Variants in FRMPD2 observed in about 807,000 individuals in gnomAD.
FRMPD2 encodes FERM and PDZ domain containing 2.
A neutral mutation model predicts 140.1 loss-of-function variants in FRMPD2; 96 were observed. The ratio of observed to expected loss-of-function variants is 0.69; its 90% CI spans 0.58 to 0.81. FRMPD2 has a LOEUF of 0.81. Ranked by LOEUF, FRMPD2 falls within the 40% of genes least tolerant of loss-of-function variation. FRMPD2 has a pLI of 0.00. For missense variants in FRMPD2, 1,240 were observed against 1,447.4 expected (o/e 0.86, Z 2.32); for synonymous variants, 449 against 547.6 (o/e 0.82, Z 2.52).
chr10:48,257,261 AT>A (rs1191668377), intron 1 of FRMPD2, among the ~76,000 whole-genome samples: 1 of 130,466 alleles, frequency 7.7e-6, no homozygotes, highest in East Asian at 2.3e-4. Flanking sequence ...TTATTTTTTT[AT>A]TTTTTTATTT....
In FRMPD2 at chr10:48,184,560, A is replaced by T; in HGVS notation, c.2584+6T>A. On this transcript the variant is annotated splice_donor_region_variant and intron_variant, in intron 20 of 28. Transcript: ENST00000374201. ...CTTAAGCTCCCAAGAGTGGGTTAAA[A>T]CATACCTTTTGACTGAGAAATAATT... 6.4e-7 allele frequency: 1 copy of T among 1,572,372 alleles called. No individual in the cohort carries two copies. Among genetic ancestry groups the T allele is most frequent in the South Asian group, 1.1e-5 (1 of 90,148 alleles).
rs1440547167 is a variant in FRMPD2, at chr10:48,209,024, C to T, written c.1612-2091G>A. Among the ~76,000 whole-genome samples, 6 of 152,310 alleles carry T rather than the reference C, an allele frequency of 3.9e-5. No individual in the cohort carries two copies. The Middle Eastern group carries it at 0.01, about 259-fold the overall frequency. On this transcript the variant is annotated intron_variant, in intron 13 of 28. Coordinates refer to ENST00000374201, the MANE Select transcript of FRMPD2 (RefSeq NM_001018071.4). ...AATATGCTGAATAATCAGGACAACCCCTTCTCATAATGCTGTTCAGTACAG... is the reference window on the plus strand; with the variant it reads ...AATATGCTGAATAATCAGGACAACCTCTTCTCATAATGCTGTTCAGTACAG...
At chr10:48,184,511 G>A (rs915927240) in intron 20 of FRMPD2, 55 bp downstream of exon 20, 3 of 1,051,028 alleles carry the variant, frequency 2.9e-6, no homozygotes, top group Non-Finnish European at 4.5e-6. Context: ...CAGTAATCAT[G>A]TACTCCTGAA....
chr10:48,263,415 A>C (rs1413544076), intron 1 of FRMPD2, among the ~76,000 whole-genome samples: 2 of 152,058 alleles, frequency 1.3e-5, no homozygotes, highest in East Asian at 3.8e-4. Flanking sequence ...ATAAACCCAT[A>C]GCCAAGTAAC....
chr10:48,230,708 G>C (rs1839830521), intron 10 of FRMPD2, among the ~76,000 whole-genome samples: 1 of 152,180 alleles, frequency 6.6e-6, no homozygotes, highest in Non-Finnish European at 1.5e-5. Context: ...CCTGTTCATT[G>C]CTTTTGTGTG....
At position 48,236,984 on chromosome 10, in the gene FRMPD2, C is replaced by T. The variant is rs932726119; in HGVS notation, c.922-431G>A. Among the ~76,000 whole-genome samples, 3 of 152,236 alleles carry T rather than the reference C, an allele frequency of 2.0e-5. No individual in the cohort carries two copies. The South Asian group carries it at 6.2e-4, about 32-fold the overall frequency. On this transcript the variant is annotated intron_variant, in intron 8 of 28. Transcript: ENST00000374201. ...TGTTGAATCAATAGCTTAGTGGGCA[C>T]CTCTTGTTCTCAGTGTGTTTGTATT...
At chr10:48,255,269 A>G (rs959030844) in intron 1 of FRMPD2, among the ~76,000 whole-genome samples, 2 of 152,112 alleles carry the variant, frequency 1.3e-5, no homozygotes, top group African/African-American at 4.8e-5. Flanking sequence ...GCCCTTTCCA[A>G]TGAGTTTCCA....
At chr10:48,205,296 T>C (rs886827707) in intron 14 of FRMPD2, among the ~76,000 whole-genome samples, 1 of 152,252 alleles carries the variant, frequency 6.6e-6, no homozygotes, top group Non-Finnish European at 1.5e-5. Context: ...CAGAGCCTGA[T>C]GACTTCCCAG....
intron 15 of FRMPD2, among the ~76,000 whole-genome samples, chr10:48,199,487 G>T (rs756138339): frequency 6.6e-6 from 1 of 152,122 alleles, no homozygotes; most frequent in Non-Finnish European, 1.5e-5. Context: ...GTGCTTCCAG[G>T]GCTATTTAAT....
intron 28 of FRMPD2, 114 bp downstream of exon 28, chr10:48,163,214 G>T: frequency 3.4e-6 from 2 of 585,148 alleles, no homozygotes; most frequent in South Asian, 3.7e-5. Flanking sequence ...TAAATGCCTG[G>T]AACAGTGCTG....
intron 21 of FRMPD2, among the ~76,000 whole-genome samples, chr10:48,179,069 G>A (rs1392951370): frequency 1.4e-5 from 2 of 145,944 alleles, no homozygotes; most frequent in African/African-American, 2.6e-5. Context: ...AGCTACTATC[G>A]TTGTTCTTCC....
intron 10 of FRMPD2, among the ~76,000 whole-genome samples, chr10:48,228,014 A>G (rs994338856): frequency 2.3e-4 from 35 of 152,210 alleles, no homozygotes; most frequent in Admixed American, 3.3e-4. Context: ...ATGTAACCTA[A>G]GAATAAAACA....
intron 20 of FRMPD2, among the ~76,000 whole-genome samples, chr10:48,183,588 T>C (rs1182150575): frequency 6.6e-6 from 1 of 152,040 alleles, no homozygotes. Flanking sequence ...CAGTGGCTCA[T>C]GCCTGTAATC....
intron 1 of FRMPD2, among the ~76,000 whole-genome samples, chr10:48,259,906 A>C (rs1028099479): frequency 3.3e-5 from 5 of 152,168 alleles, no homozygotes; most frequent in African/African-American, 7.2e-5. Flanking sequence ...AGAGAAAAAC[A>C]AGAACAACAG....
intron 21 of FRMPD2, among the ~76,000 whole-genome samples, chr10:48,178,611 T>C (rs1838469667): frequency 6.6e-6 from 1 of 152,148 alleles, no homozygotes; most frequent in Admixed American, 6.5e-5. Flanking sequence ...CAGAGGATCA[T>C]CTGGCCACAA....
At chr10:48,178,187 T>A in intron 21 of FRMPD2, 36 bp from the exon 22 acceptor site, 1 of 1,297,460 alleles carries the variant, frequency 7.7e-7, no homozygotes. Context: ...AAAGATGGGA[T>A]GAAGGAAGAT....
intron 1 of FRMPD2, among the ~76,000 whole-genome samples, chr10:48,253,283 C>T (rs1840427775): frequency 6.6e-6 from 1 of 152,110 alleles, no homozygotes. Flanking sequence ...AAACCTTGCA[C>T]CTTATGCAAA....
intron 1 of FRMPD2, among the ~76,000 whole-genome samples, chr10:48,252,416 A>C (rs1034609937): frequency 6.6e-6 from 1 of 152,234 alleles, no homozygotes; most frequent in East Asian, 1.9e-4. Flanking sequence ...GCACCGGAAG[A>C]AGCCAGGCGG....
intron 3 of FRMPD2, 85 bp from the exon 4 acceptor site, chr10:48,244,934 C>A: frequency 1.0e-6 from 1 of 995,594 alleles, no homozygotes; most frequent in Non-Finnish European, 1.6e-6. Flanking sequence ...CCAATTTCCA[C>A]ATGAACAGAC....
Sources: gnomAD v4.1 joint callset for allele counts (sites outside exome capture counted in the v4.1 genomes callset) on GRCh38, gnomAD v4.1.1 for gene constraint, MANE v1.5 for transcripts, NCBI Gene and HGNC (gene_info 2026-07-23, HGNC 2026-07-21) for gene names.